Variants in AKT3 observed in about 807,000 individuals in gnomAD.
AKT3 encodes AKT serine/threonine kinase 3, also known as RAC-gamma serine/threonine-protein kinase.
In AKT3, 15 loss-of-function variants were observed where a neutral mutation model predicts 65.3. The observed-to-expected ratio is 0.23, with a 90% CI of 0.15 to 0.35. The LOEUF is 0.35. Among genes scored for constraint, AKT3 ranks in the 10% least tolerant of loss-of-function variants. The pLI is 1.00. For synonymous variants in AKT3, 206 were observed against 183.8 expected, an observed-to-expected ratio of 1.12 and a Z score of -0.98; for missense variants, 243 against 576.5, an observed-to-expected ratio of 0.42 and a Z score of 5.92.
chr1:243,565,890 G>A (rs905643998), intron 9 of AKT3, among the ~76,000 whole-genome samples: 8 of 152,074 alleles, frequency 5.3e-5, no homozygotes, highest in Non-Finnish European at 7.4e-5. Context: ...TATATAAAAT[G>A]CTGAAGATCT....
intron 2 of AKT3, among the ~76,000 whole-genome samples, chr1:243,734,566 G>A (rs1478997057): frequency 1.3e-5 from 2 of 152,012 alleles, no homozygotes; most frequent in African/African-American, 4.8e-5. Flanking sequence ...AAAAAAAAGT[G>A]GCACACCTCT....
At chr1:243,798,909 C>T (rs1198978714) in intron 2 of AKT3, among the ~76,000 whole-genome samples, 7 of 152,190 alleles carry the variant, frequency 4.6e-5, no homozygotes, top group African/African-American at 1.7e-4. Flanking sequence ...CTGTTTTAAT[C>T]TTGCTCCTCC....
chr1:243,692,197 G>A (rs188232115), intron 3 of AKT3, among the ~76,000 whole-genome samples: 2 of 152,176 alleles, frequency 1.3e-5, no homozygotes, highest in Admixed American at 6.5e-5. Context: ...TCCTTCTCAC[G>A]TGAGACAGGT....
intron 2 of AKT3, among the ~76,000 whole-genome samples, chr1:243,830,652 T>C (rs981287516): frequency 1.1e-4 from 16 of 152,166 alleles, no homozygotes; most frequent in Non-Finnish European, 1.8e-4. Flanking sequence ...AAGTGATCCA[T>C]TAGAAACACA....
At chr1:243,647,353 T>C (rs947481585) in intron 4 of AKT3, among the ~76,000 whole-genome samples, 1 of 152,208 alleles carries the variant, frequency 6.6e-6, no homozygotes, top group Non-Finnish European at 1.5e-5. Context: ...TTCAGTACAC[T>C]AACATGCTGT....
At chr1:243,518,574 G>A (rs1443035597) in intron 12 of AKT3, among the ~76,000 whole-genome samples, 4 of 152,134 alleles carry the variant, frequency 2.6e-5, no homozygotes, top group African/African-American at 4.8e-5. Context: ...GCAGTGAGCC[G>A]AGATCATGCC....
chr1:243,757,275 A>G (rs963707301), intron 2 of AKT3, among the ~76,000 whole-genome samples: 1 of 152,236 alleles, frequency 6.6e-6, no homozygotes, highest in Non-Finnish European at 1.5e-5. Flanking sequence ...AAAATGCACC[A>G]AAGTAATCAA....
chr1:243,773,076 T>C (rs1485335186), intron 2 of AKT3, among the ~76,000 whole-genome samples: 4 of 149,848 alleles, frequency 2.7e-5, no homozygotes, highest in African/African-American at 7.3e-5. Flanking sequence ...TTAGGAGATA[T>C]ATCTAATGTA....
chr1:243,610,499 T>C (rs1346614570), intron 8 of AKT3, among the ~76,000 whole-genome samples: 2 of 152,212 alleles, frequency 1.3e-5, no homozygotes, highest in African/African-American at 4.8e-5. Context: ...AAGAGAGACA[T>C]TTAATAGTGT....
intron 12 of AKT3, among the ~76,000 whole-genome samples, chr1:243,526,007 CAG>C (rs1351595062): frequency 6.6e-6 from 1 of 150,776 alleles, no homozygotes; most frequent in Non-Finnish European, 1.5e-5. Flanking sequence ...GGCTTAAAAC[CAG>C]AGTCTGTCAC....
intron 6 of AKT3, among the ~76,000 whole-genome samples, chr1:243,626,179 G>A (rs1275792884): frequency 6.6e-6 from 1 of 152,184 alleles, no homozygotes; most frequent in Non-Finnish European, 1.5e-5. Context: ...AAATGTGTCA[G>A]ATTTGTTGTC....
chr1:243,711,872 C>T (rs956921654), intron 2 of AKT3, among the ~76,000 whole-genome samples: 4 of 152,146 alleles, frequency 2.6e-5, no homozygotes, highest in Non-Finnish European at 4.4e-5. Context: ...ATTTCAATCA[C>T]CTTAATATGT....
At chr1:243,677,958 G>A (rs1407629391) in intron 3 of AKT3, among the ~76,000 whole-genome samples, 13 of 151,910 alleles carry the variant, frequency 8.6e-5, no homozygotes, top group Admixed American at 8.5e-4. Context: ...CGTGGTGGCG[G>A]GTGCCTGTAA....
intron 4 of AKT3, among the ~76,000 whole-genome samples, chr1:243,653,886 T>C (rs1681563407): frequency 1.3e-5 from 2 of 152,200 alleles, no homozygotes; most frequent in African/African-American, 4.8e-5. Context: ...GTTTCCATGA[T>C]CAATCTTTTT....
intron 12 of AKT3, among the ~76,000 whole-genome samples, chr1:243,534,879 A>G (rs1432482253): frequency 6.6e-6 from 1 of 152,154 alleles, no homozygotes; most frequent in Non-Finnish European, 1.5e-5. Context: ...CACAAATTAG[A>G]AAAGATCGAA....
intron 2 of AKT3, among the ~76,000 whole-genome samples, chr1:243,795,138 C>CT (rs879274798): frequency 4.3e-3 from 604 of 141,090 alleles, no homozygotes; most frequent in African/African-American, 6.0e-3. Context: ...TCTATGTCTA[C>CT]TTTTTTTTTT....
upstream of AKT3, among the ~76,000 whole-genome samples, chr1:243,850,625 T>C (rs1441467927): frequency 1.3e-5 from 2 of 149,730 alleles, no homozygotes; most frequent in South Asian, 2.1e-4. Context: ...TTGTTGACTT[T>C]GAGGAAAACT....
chr1:243,816,962 G>A (rs575643742), intron 2 of AKT3, among the ~76,000 whole-genome samples: 9 of 152,214 alleles, frequency 5.9e-5, no homozygotes, highest in East Asian at 1.9e-4. Context: ...CTTGTTGCAC[G>A]AGTAAAATGT....
intron 8 of AKT3, among the ~76,000 whole-genome samples, chr1:243,577,319 A>G (rs995117073): frequency 6.6e-6 from 1 of 151,952 alleles, no homozygotes; most frequent in East Asian, 1.9e-4. Context: ...GCTAATTTTT[A>G]TATTTTTAGT....
Sources: gnomAD v4.1 joint callset for allele counts (sites outside exome capture counted in the v4.1 genomes callset) on GRCh38, gnomAD v4.1.1 for gene constraint, MANE v1.5 for transcripts, NCBI Gene and HGNC (gene_info 2026-07-23, HGNC 2026-07-21) for gene names.